ASTN2: variants seen among roughly 807,000 people sequenced by gnomAD.
The protein encoded by ASTN2 is astrotactin-2.
ASTN2 carries 54 observed loss-of-function variants against 139.8 expected under a neutral mutation model. The observed-to-expected ratio is 0.39, with a 90% confidence interval of 0.31 to 0.48. The LOEUF is 0.48. Among genes scored for constraint, ASTN2 ranks in the 20% least tolerant of loss-of-function variants. The probability of loss-of-function intolerance (pLI) is 0.95; values close to 1 mark genes in which losing one functional copy is unlikely to be tolerated. For missense variants in ASTN2, 1,565 were observed against 1,725.1 expected, an observed-to-expected ratio of 0.91 and a Z score of 1.64; for synonymous variants, 756 against 719.5, an observed-to-expected ratio of 1.05 and a Z score of -0.81.
chr9:116,972,412 TAGCTTTCTAGC>T (rs1016681943), intron 10 of ASTN2, among the ~76,000 whole-genome samples: 3 of 152,180 alleles, frequency 2.0e-5, no homozygotes, highest in Non-Finnish European at 4.4e-5. Context: ...TTTTTTTTTC[TAGCTTTCTAGC>T]AGTACAAATG....
chr9:117,091,694 G>C (rs556028905), intron 5 of ASTN2, among the ~76,000 whole-genome samples: 1 of 152,046 alleles, frequency 6.6e-6, no homozygotes, highest in Non-Finnish European at 1.5e-5. Context: ...GAGGTGGAGT[G>C]GGGAGGGAAG....
At chr9:116,724,638 T>C (rs1828565739) in intron 16 of ASTN2, among the ~76,000 whole-genome samples, 1 of 152,224 alleles carries the variant, frequency 6.6e-6, no homozygotes, top group South Asian at 2.1e-4. Context: ...TGGAGTGCTA[T>C]GCTCAATGAG....
intron 11 of ASTN2, among the ~76,000 whole-genome samples, chr9:116,834,016 C>T (rs1263149771): frequency 6.6e-6 from 1 of 152,212 alleles, no homozygotes; most frequent in African/African-American, 2.4e-5. Flanking sequence ...TAGACTTCAG[C>T]CTCCAGAACT....
intron 2 of ASTN2, among the ~76,000 whole-genome samples, chr9:117,241,745 C>T (rs1277872551): frequency 6.6e-6 from 1 of 152,054 alleles, no homozygotes; most frequent in East Asian, 1.9e-4. Context: ...GGTTTGGGGA[C>T]CACTTCTGTA....
chr9:116,878,123 G>C (rs1022116177), intron 10 of ASTN2, among the ~76,000 whole-genome samples: 6 of 152,202 alleles, frequency 3.9e-5, no homozygotes, highest in Non-Finnish European at 8.8e-5. Context: ...ATGTAAATTA[G>C]TTCATCCATT....
At chr9:117,383,587 A>C (rs1193402993) in intron 1 of ASTN2, among the ~76,000 whole-genome samples, 1 of 152,174 alleles carries the variant, frequency 6.6e-6, no homozygotes, top group African/African-American at 2.4e-5. Flanking sequence ...CATTTGATGA[A>C]CTTGAAGAAT....
At chr9:116,809,711 A>T (rs1038398051) in intron 12 of ASTN2, among the ~76,000 whole-genome samples, 1 of 152,098 alleles carries the variant, frequency 6.6e-6, no homozygotes, top group African/African-American at 2.4e-5. Context: ...ATTTTCTTTT[A>T]TTTAATATAT....
intron 9 of ASTN2, among the ~76,000 whole-genome samples, chr9:116,975,673 T>C (rs922792868): frequency 1.8e-4 from 27 of 152,218 alleles, no homozygotes; most frequent in Non-Finnish European, 4.4e-5. Flanking sequence ...GACTGCTATG[T>C]CAGCAGGGAC....
intron 10 of ASTN2, among the ~76,000 whole-genome samples, chr9:116,963,446 A>G (rs2150199): frequency 0.27 from 40,656 of 152,024 alleles, 5,684 homozygotes; most frequent in Admixed American, 0.36. Flanking sequence ...AAACAGTATG[A>G]ATTTTTATTT....
intron 19 of ASTN2, among the ~76,000 whole-genome samples, chr9:116,571,880 T>G (rs770726566): frequency 2.6e-5 from 4 of 152,188 alleles, no homozygotes; most frequent in African/African-American, 4.8e-5. Context: ...AATGTCCCTG[T>G]TGGGTGATGT....
At chr9:116,528,050 C>T (rs1160794772) in intron 19 of ASTN2, among the ~76,000 whole-genome samples, 3 of 152,076 alleles carry the variant, frequency 2.0e-5, no homozygotes, top group Admixed American at 2.0e-4. Flanking sequence ...TACAAAGATA[C>T]CTGAAAACAT....
chr9:117,024,878 C>T (rs1010885195), intron 6 of ASTN2, among the ~76,000 whole-genome samples: 2 of 152,044 alleles, frequency 1.3e-5, no homozygotes, highest in African/African-American at 4.8e-5. Flanking sequence ...GGCAGTTTCC[C>T]CCATACTGTT....
At chr9:116,680,268 A>G (rs1398406468) in intron 16 of ASTN2, among the ~76,000 whole-genome samples, 3 of 152,224 alleles carry the variant, frequency 2.0e-5, no homozygotes, top group Non-Finnish European at 4.4e-5. Context: ...AAACTAGAAA[A>G]TCTAGAAGAA....
At chr9:117,407,823 G>GCT (rs199648281) in intron 1 of ASTN2, among the ~76,000 whole-genome samples, 11 of 152,182 alleles carry the variant, frequency 7.2e-5, no homozygotes, top group East Asian at 1.9e-4. Context: ...AGAAAAACCA[G>GCT]CTCTCTCTCT....
chr9:117,001,775 G>A (rs758341591), intron 7 of ASTN2, among the ~76,000 whole-genome samples: 1 of 152,028 alleles, frequency 6.6e-6, no homozygotes, highest in African/African-American at 2.4e-5. Context: ...TGTTCTTCAG[G>A]CATGGGGCAC....
rs2132246799 is a variant in ASTN2, at chr9:116,805,726, T to C, written c.2302A>G (p.Lys768Glu). 6.2e-7 allele frequency: 1 copy of C among 1,614,012 alleles called. No homozygotes were observed. Among genetic ancestry groups the C allele is most frequent in the East Asian group, 2.2e-5 (1 of 44,886 alleles). ...EGPKCLKPDSKFNDTLFGEML... is the reference protein window; with the variant it reads ...EGPKCLKPDSEFNDTLFGEML... ...TCTCCAAAGAGGGTATCATTGAATT[T>C]GGAGTCAGGTTTGAGGCACTTGGGG... Residue 768 changes from lysine to glutamate, a missense_variant, in exon 13 of 23, where the codon AAA (lysine) becomes GAA (glutamate). Lys to Glu is a moderately conservative substitution (Grantham distance 56). Transcript: ENST00000313400.
intron 1 of ASTN2, among the ~76,000 whole-genome samples, chr9:117,354,586 G>C (rs1315998475): frequency 6.6e-5 from 10 of 152,120 alleles, no homozygotes; most frequent in Non-Finnish European, 1.2e-4. Flanking sequence ...TTTTGTTACT[G>C]ATCTGTCTTT....
At chr9:116,476,542 T>A (rs565043953) in intron 20 of ASTN2, among the ~76,000 whole-genome samples, 2 of 152,180 alleles carry the variant, frequency 1.3e-5, no homozygotes, top group Non-Finnish European at 2.9e-5. Flanking sequence ...TTCATCACCA[T>A]GAATATGAGC....
chr9:116,839,176 C>T (rs952022736), intron 11 of ASTN2, among the ~76,000 whole-genome samples: 8 of 152,146 alleles, frequency 5.3e-5, no homozygotes, highest in African/African-American at 1.9e-4. Context: ...CAAGGTCTTA[C>T]TCTGTCACCC....
Sources: allele counts gnomAD v4.1 joint callset (sites outside exome capture counted in the v4.1 genomes callset), GRCh38; gene constraint gnomAD v4.1.1; transcripts MANE v1.5; gene names NCBI Gene and HGNC (gene_info 2026-07-23, HGNC 2026-07-21).